L3MBTL4: variants seen among roughly 807,000 people sequenced by gnomAD.
L3MBTL4 encodes lethal(3)malignant brain tumor-like protein 4.
In L3MBTL4, 70 loss-of-function variants were observed where a neutral mutation model predicts 84.5. The observed-to-expected ratio is 0.83, with a 90% CI of 0.68 to 1.01. L3MBTL4 has a LOEUF of 1.01. Ranked by LOEUF, L3MBTL4 falls within the 50% of genes least tolerant of loss-of-function variation. L3MBTL4 has a pLI of 0.00. For synonymous variants in L3MBTL4, 274 were observed against 259.8 expected (o/e 1.05, Z -0.52); for missense variants, 715 against 754.8 (o/e 0.95, Z 0.62).
chr18:6,360,038 G>C (rs919824103), intron 1 of L3MBTL4, among the ~76,000 whole-genome samples: 1 of 152,166 alleles, frequency 6.6e-6, no homozygotes, highest in African/African-American at 2.4e-5. Flanking sequence ...CATGAATACA[G>C]TACTTATAGA....
At chr18:6,133,502 C>T (rs564097401) in intron 14 of L3MBTL4, among the ~76,000 whole-genome samples, 55 of 152,270 alleles carry the variant, frequency 3.6e-4, no homozygotes, top group Non-Finnish European at 1.0e-4. Context: ...CTTCTCCCCT[C>T]CTCTCCCCTT....
intron 5 of L3MBTL4, among the ~76,000 whole-genome samples, chr18:6,254,241 C>T (rs1392243038): frequency 2.0e-5 from 3 of 152,072 alleles, no homozygotes; most frequent in African/African-American, 7.2e-5. Flanking sequence ...TTAAGAGCCA[C>T]ATGGCTACCC....
intron 4 of L3MBTL4, among the ~76,000 whole-genome samples, chr18:6,300,948 T>A (rs190742168): frequency 3.0e-4 from 45 of 152,264 alleles, no homozygotes; most frequent in African/African-American, 1.1e-3. Flanking sequence ...GCAAAGAACA[T>A]GACAGGCCTG....
In L3MBTL4 at chr18:5,956,186, G is replaced by A; in HGVS notation, c.*34C>T. On this transcript the variant is annotated 3_prime_UTR_variant, in exon 19 of 19. Coordinates refer to ENST00000317931, the MANE Select transcript of L3MBTL4 (RefSeq NM_001330559.2). The stretch of plus-strand genomic sequence containing the variant: ...CCACTTTTATTGCTGAAAGAGCGCA[G>A]GTCTTGGTGCCAGAGGAAGTTCAGG... 3 of 1,587,164 alleles carry A rather than the reference G, an allele frequency of 1.9e-6. No homozygotes were observed. The South Asian group carries it at 3.4e-5, about 18-fold the overall frequency.
intron 10 of L3MBTL4, among the ~76,000 whole-genome samples, chr18:6,216,241 T>A (rs962665915): frequency 6.6e-5 from 10 of 152,214 alleles, no homozygotes; most frequent in Non-Finnish European, 1.0e-4. Context: ...TGAAAATCTT[T>A]CAAATTTCTC....
chr18:6,021,484 T>G (rs970397045), intron 16 of L3MBTL4, among the ~76,000 whole-genome samples: 1 of 152,186 alleles, frequency 6.6e-6, no homozygotes, highest in African/African-American at 2.4e-5. Flanking sequence ...TCACTCATTT[T>G]CAGACACAAT....
rs1288757978 is a variant in L3MBTL4 at position 6,239,871 on chromosome 18, T to TTC, written c.553-1_553dup (p.Asn185ArgfsTer13). 6.2e-7 allele frequency: 1 copy of TTC among 1,614,110 alleles called. No individual in the cohort carries two copies. Among genetic ancestry groups the TTC allele is most frequent in the South Asian group, 1.1e-5 (1 of 91,078 alleles). ...CTGAAATTCTTTAGACATTGGCCCA[T>TTC]TCTAACGCAGCACCAGCAGGGGAAG... On this transcript the variant is annotated frameshift_variant and splice_region_variant, in exon 9 of 19. Transcript: ENST00000317931. LOFTEE classifies it high-confidence loss of function.
chr18:6,269,306 A>G (rs924139705), intron 4 of L3MBTL4, among the ~76,000 whole-genome samples: 4 of 151,998 alleles, frequency 2.6e-5, no homozygotes, highest in African/African-American at 9.7e-5. Flanking sequence ...AAATACAAAA[A>G]ATTAGCCAGG....
At chr18:5,965,224 G>A (rs1450631162) in intron 17 of L3MBTL4, among the ~76,000 whole-genome samples, 1 of 152,174 alleles carries the variant, frequency 6.6e-6, no homozygotes, top group Non-Finnish European at 1.5e-5. Context: ...TGCTCTAAGA[G>A]AGACAGCCAT....
chr18:6,290,196 A>G (rs1299695420), intron 4 of L3MBTL4, among the ~76,000 whole-genome samples: 1 of 152,058 alleles, frequency 6.6e-6, no homozygotes, highest in Non-Finnish European at 1.5e-5. Context: ...GGTTACAGGC[A>G]TGAGGTGCCG....
chr18:6,084,598 T>C (rs563410450), intron 15 of L3MBTL4, among the ~76,000 whole-genome samples: 3 of 152,190 alleles, frequency 2.0e-5, no homozygotes, highest in Non-Finnish European at 4.4e-5. Context: ...TCAACATTTC[T>C]CTGAGATTTT....
At chr18:5,980,871 A>G (rs546685988) in intron 16 of L3MBTL4, among the ~76,000 whole-genome samples, 4 of 152,222 alleles carry the variant, frequency 2.6e-5, no homozygotes, top group Non-Finnish European at 5.9e-5. Context: ...CGGTGCACAC[A>G]GGATGAGTTG....
intron 13 of L3MBTL4, among the ~76,000 whole-genome samples, chr18:6,151,087 G>A (rs2042875618): frequency 6.6e-6 from 1 of 152,060 alleles, no homozygotes; most frequent in African/African-American, 2.4e-5. Flanking sequence ...CCCCTTACTG[G>A]CATACAAAAC....
At chr18:6,052,000 C>T (rs529825708) in intron 16 of L3MBTL4, among the ~76,000 whole-genome samples, 16 of 152,290 alleles carry the variant, frequency 1.1e-4, no homozygotes, top group African/African-American at 3.4e-4. Context: ...ATTGATGGTG[C>T]GTCTTTGGCT....
chr18:6,096,836 G>C (rs559110691), intron 14 of L3MBTL4, among the ~76,000 whole-genome samples: 10 of 152,326 alleles, frequency 6.6e-5, no homozygotes, highest in African/African-American at 2.4e-4. Flanking sequence ...TAAACTGTCA[G>C]TGTCTGATTG....
chr18:6,040,397 C>T (rs2056348136), intron 16 of L3MBTL4, among the ~76,000 whole-genome samples: 2 of 152,160 alleles, frequency 1.3e-5, no homozygotes, highest in Non-Finnish European at 2.9e-5. Context: ...GCTATATATC[C>T]TGTTCCAATA....
At chr18:6,363,373 T>G (rs1036140172) in intron 1 of L3MBTL4, among the ~76,000 whole-genome samples, 16 of 152,114 alleles carry the variant, frequency 1.1e-4, no homozygotes, top group Admixed American at 9.2e-4. Flanking sequence ...GCCCCGTGTC[T>G]TTTCAACCAC....
At chr18:6,131,765 A>G (rs1041606002) in intron 14 of L3MBTL4, among the ~76,000 whole-genome samples, 2 of 152,232 alleles carry the variant, frequency 1.3e-5, no homozygotes, top group Non-Finnish European at 2.9e-5. Context: ...GTGCATGTAT[A>G]TAATATTCTC....
intron 2 of L3MBTL4, among the ~76,000 whole-genome samples, 151 bp downstream of exon 2, chr18:6,311,847 T>C (rs1336145334): frequency 6.6e-6 from 1 of 152,190 alleles, no homozygotes; most frequent in Non-Finnish European, 1.5e-5. Context: ...GGGAGGGCAA[T>C]GCGTTTACTA....
Sources: gnomAD v4.1 joint callset for allele counts (sites outside exome capture counted in the v4.1 genomes callset) on GRCh38, gnomAD v4.1.1 for gene constraint, MANE v1.5 for transcripts, NCBI Gene and HGNC (gene_info 2026-07-23, HGNC 2026-07-21) for gene names.